The following CTIF variants were observed in gnomAD, a reference collection of about 807,000 sequenced individuals.
CTIF encodes CBP80/20-dependent translation initiation factor.
In CTIF, 21 loss-of-function variants were observed where a neutral mutation model predicts 66.0. That is an observed-to-expected ratio of 0.32 (90% confidence interval 0.23 to 0.46). CTIF has a LOEUF of 0.46. CTIF is among the 20% of genes least tolerant of loss of function. The pLI is 1.00. For synonymous variants in CTIF, 345 were observed against 326.4 expected, an observed-to-expected ratio of 1.06 and a Z score of -0.62; for missense variants, 739 against 812.7, an observed-to-expected ratio of 0.91 and a Z score of 1.10.
At chr18:48,776,606 G>A (rs1482997702) in intron 9 of CTIF, among the ~76,000 whole-genome samples, 1 of 152,234 alleles carries the variant, frequency 6.6e-6, no homozygotes, top group Admixed American at 6.5e-5. Flanking sequence ...GCACTGGGTC[G>A]GGTGTGGTCT....
At chr18:48,621,550 A>C in intron 2 of CTIF, 1 of 391,422 alleles carries the variant, frequency 2.6e-6, no homozygotes, top group Non-Finnish European at 5.0e-6. Flanking sequence ...GAGACCAGTG[A>C]GGCAGGAGGG....
chr18:48,805,286 A>C (rs2068121133), intron 9 of CTIF, among the ~76,000 whole-genome samples: 1 of 152,032 alleles, frequency 6.6e-6, no homozygotes, highest in African/African-American at 2.4e-5. Context: ...AATGATGATG[A>C]CTGGGGTGAG....
At chr18:48,566,601 G>A (rs2089286019) in intron 1 of CTIF, 1 of 152,204 alleles carries the variant, frequency 6.6e-6, no homozygotes. Flanking sequence ...GTCCTGTGGT[G>A]GCATCAGGGC....
chr18:48,771,794 C>G (rs181730239), intron 9 of CTIF, among the ~76,000 whole-genome samples: 1 of 152,222 alleles, frequency 6.6e-6, no homozygotes, highest in Admixed American at 6.5e-5. Flanking sequence ...TCCTTCCCCC[C>G]AGCTCTGTGA....
intron 6 of CTIF, among the ~76,000 whole-genome samples, chr18:48,698,006 C>T (rs982434008): frequency 4.8e-5 from 7 of 144,664 alleles, no homozygotes; most frequent in Non-Finnish European, 7.5e-5. Context: ...CCAGGTCAAG[C>T]GTGGGGTATG....
At chr18:48,757,741 C>T (rs186869331) in intron 7 of CTIF, among the ~76,000 whole-genome samples, 178 bp from the exon 8 acceptor site, 3 of 152,312 alleles carry the variant, frequency 2.0e-5, no homozygotes, top group Non-Finnish European at 2.9e-5. Context: ...TGCCTGTTCT[C>T]GGCTGTATCC....
chr18:48,780,885 C>T (rs79531066), intron 9 of CTIF, among the ~76,000 whole-genome samples: 435 of 152,302 alleles, frequency 2.9e-3, no homozygotes, highest in Admixed American at 4.9e-3. Flanking sequence ...CTGATAGCCT[C>T]AGGAGGCCCA....
At chr18:48,688,880 G>T (rs2091884227) in intron 6 of CTIF, among the ~76,000 whole-genome samples, 1 of 152,232 alleles carries the variant, frequency 6.6e-6, no homozygotes. Flanking sequence ...GAAAGAGGGG[G>T]AGAAAAAGAA....
rs141928318 is a variant in CTIF at position 48,671,523 on chromosome 18, G to A, written c.507+779G>A. 1.5e-3 allele frequency among the ~76,000 whole-genome samples: 228 copies of A among 152,200 alleles called. 2 individuals are homozygous for A. The highest frequency in any genetic ancestry group is 5.4e-3 in the African/African-American group (226 of 41,508). ...CTCTTCCTGGTGCCTTTGCCATTTT[G>A]TTTCTTCTCTGTTCATGCCTTGGGC... On this transcript the variant is annotated intron_variant, in intron 6 of 11. Transcript: ENST00000256413.
At chr18:48,581,576 G>A (rs901222527) in intron 1 of CTIF, among the ~76,000 whole-genome samples, 5 of 152,144 alleles carry the variant, frequency 3.3e-5, no homozygotes, top group Non-Finnish European at 5.9e-5. Flanking sequence ...CTAGGGAAGC[G>A]AGTGCTTTCT....
At chr18:48,710,281 C>A (rs1040725593) in intron 6 of CTIF, among the ~76,000 whole-genome samples, 1 of 152,182 alleles carries the variant, frequency 6.6e-6, no homozygotes, top group Non-Finnish European at 1.5e-5. Context: ...CAGAATAGAC[C>A]CCCTCTGACT....
At chr18:48,708,691 T>A (rs1235458996) in intron 6 of CTIF, among the ~76,000 whole-genome samples, 2 of 152,206 alleles carry the variant, frequency 1.3e-5, no homozygotes. Context: ...GTCACTTTGT[T>A]CCACTCATTT....
chr18:48,631,158 TC>T (rs1163781664), intron 2 of CTIF, among the ~76,000 whole-genome samples: 1 of 152,196 alleles, frequency 6.6e-6, no homozygotes, highest in Non-Finnish European at 1.5e-5. Flanking sequence ...CCCCAATCTT[TC>T]CCAATCTCTG....
chr18:48,728,739 T>TGAGAGAGAGAGGGGGAGAGTGA (rs1555680978), intron 7 of CTIF, among the ~76,000 whole-genome samples: 3 of 139,126 alleles, frequency 2.2e-5, no homozygotes, highest in African/African-American at 7.8e-5. Flanking sequence ...AGGGGGAGAG[T>TGAGAGAGAGAGGGGGAGAGTGA]GAGAGAGAGA....
At chr18:48,810,178 A>T (rs1169805832) in intron 9 of CTIF, among the ~76,000 whole-genome samples, 1 of 152,140 alleles carries the variant, frequency 6.6e-6, no homozygotes, top group Non-Finnish European at 1.5e-5. Flanking sequence ...TTGAAAAGTA[A>T]TATCTGTTTT....
intron 7 of CTIF, among the ~76,000 whole-genome samples, chr18:48,740,661 C>T (rs1287857461): frequency 1.3e-5 from 2 of 152,192 alleles, no homozygotes; most frequent in Non-Finnish European, 2.9e-5. Context: ...TCAGGCCTTG[C>T]CCTTGTCCTG....
chr18:48,848,677 A>T (rs1457451763), intron 10 of CTIF, among the ~76,000 whole-genome samples: 1 of 152,146 alleles, frequency 6.6e-6, no homozygotes, highest in Non-Finnish European at 1.5e-5. Context: ...ATCCCAAGCT[A>T]CCAGCCTGGT....
At chr18:48,647,060 A>G (rs984550731) in intron 3 of CTIF, among the ~76,000 whole-genome samples, 2 of 152,246 alleles carry the variant, frequency 1.3e-5, no homozygotes, top group Non-Finnish European at 2.9e-5. Flanking sequence ...AATACACAGA[A>G]ACCTGGAAGC....
At chr18:48,805,772 C>G (rs967967821) in intron 9 of CTIF, among the ~76,000 whole-genome samples, 3 of 152,216 alleles carry the variant, frequency 2.0e-5, no homozygotes, top group Non-Finnish European at 4.4e-5. Context: ...AAAGATGAGA[C>G]AGGCATACAT....
Sources: allele counts gnomAD v4.1 joint callset (sites outside exome capture counted in the v4.1 genomes callset), GRCh38; gene constraint gnomAD v4.1.1; transcripts MANE v1.5; gene names NCBI Gene and HGNC (gene_info 2026-07-23, HGNC 2026-07-21).